PKP4: variants seen among roughly 807,000 people sequenced by gnomAD.
PKP4 encodes plakophilin 4, also known as plakophilin-4.
Under a neutral mutation model 145.1 loss-of-function variants are expected in PKP4, and 90 were observed. The observed-to-expected ratio is 0.62, with a 90% CI of 0.52 to 0.74. The LOEUF (loss-of-function observed/expected upper bound fraction) is 0.74, where lower values mean the gene tolerates loss of function less well. Among genes scored for constraint, PKP4 ranks in the 30% least tolerant of loss-of-function variants. The pLI is 0.00. For synonymous variants in PKP4, 563 were observed against 577.2 expected (o/e 0.98, Z 0.35); for missense variants, 1,340 against 1,482.7 (o/e 0.90, Z 1.58).
At chr2:158,600,811 T>G (rs1237141582) in intron 3 of PKP4, among the ~76,000 whole-genome samples, 4 of 152,216 alleles carry the variant, frequency 2.6e-5, no homozygotes, top group Non-Finnish European at 5.9e-5. Context: ...ATTTCATTAT[T>G]AGCTTGTTTT....
Position 158,642,555 on chromosome 2 carries a change from A to G in PKP4, c.1765A>G (p.Asn589Asp), listed in dbSNP as rs773241833. The change falls in exon 11 of 22, where the codon AAT becomes GAT. Residue 589 changes from asparagine to aspartate, a missense_variant. Coordinates refer to ENST00000389759, the MANE Select transcript of PKP4 (RefSeq NM_003628.6). ...LDHRVLEVQK[N>D]ACGALRNLVF... ...CCACAGAGTTTTGGAAGTTCAGAAGAATGCTTGTGGTGCCCTTCGAAACCT... is the reference window on the plus strand; with the variant it reads ...CCACAGAGTTTTGGAAGTTCAGAAGGATGCTTGTGGTGCCCTTCGAAACCT... The G allele has an allele frequency of 6.2e-7, 1 of 1,613,902 alleles. No individual in the cohort carries two copies. The highest frequency in any genetic ancestry group is 8.5e-7 in the Non-Finnish European group (1 of 1,179,820).
At chr2:158,678,683 G>A in intron 21 of PKP4, 29 bp downstream of exon 21, 1 of 1,367,612 alleles carries the variant, frequency 7.3e-7, no homozygotes, top group Non-Finnish European at 1.0e-6. Context: ...TTTTACAGAA[G>A]GCTGATTAGC....
chr2:158,509,200 T>C (rs1293822418), intron 1 of PKP4, among the ~76,000 whole-genome samples: 1 of 152,208 alleles, frequency 6.6e-6, no homozygotes, highest in Non-Finnish European at 1.5e-5. Flanking sequence ...TGATAGATTA[T>C]GAATTTGTAA....
At chr2:158,484,655 T>A (rs551011888) in intron 1 of PKP4, among the ~76,000 whole-genome samples, 44 of 152,340 alleles carry the variant, frequency 2.9e-4, no homozygotes, top group Middle Eastern at 3.4e-3. Flanking sequence ...TTTTCTGTGA[T>A]AAAGATGATG....
intron 2 of PKP4, among the ~76,000 whole-genome samples, chr2:158,537,718 C>G (rs1009097637): frequency 6.6e-6 from 1 of 152,138 alleles, no homozygotes; most frequent in Non-Finnish European, 1.5e-5. Flanking sequence ...AGCTTACTCT[C>G]TTAGTTGTAA....
rs1194427617 is a variant in PKP4, at chr2:158,678,631, A to G, written c.3307A>G (p.Arg1103Gly). ...IYISSYSSPA[R>G]EQNRRLQHQQ... is the part of the protein sequence containing the mutation. The stretch of plus-strand genomic sequence containing the variant: ...CATCAGTTCCTATTCCTCACCAGCA[A>G]GAGAACAAAATAGACGGCTACAGGT... The change falls in exon 21 of 22, where the codon AGA becomes GGA. Residue 1103 changes from arginine (R) to glycine (G), a missense_variant. Coordinates refer to ENST00000389759, the MANE Select transcript of PKP4 (RefSeq NM_003628.6). 2 of 1,606,356 alleles carry G rather than the reference A, an allele frequency of 1.2e-6. No homozygotes were observed. The highest frequency in any genetic ancestry group is 1.7e-5 in the Admixed American group (1 of 60,006).
chr2:158,577,195 A>C, intron 2 of PKP4, 76 bp from the exon 3 acceptor site: 1 of 843,330 alleles, frequency 1.2e-6, no homozygotes. Flanking sequence ...GTTTCCTGTG[A>C]CATACATTAA....
intron 11 of PKP4, among the ~76,000 whole-genome samples, chr2:158,647,784 CT>C (rs1317778496): frequency 6.6e-6 from 1 of 152,022 alleles, no homozygotes; most frequent in African/African-American, 2.4e-5. Flanking sequence ...GTATTTTTTG[CT>C]GTTGTTGTAC....
At chr2:158,482,884 T>G (rs995911157) in intron 1 of PKP4, among the ~76,000 whole-genome samples, 1 of 152,056 alleles carries the variant, frequency 6.6e-6, no homozygotes, top group South Asian at 2.1e-4. Flanking sequence ...TGCAGGTCAT[T>G]GCACAGAATG....
intron 2 of PKP4, among the ~76,000 whole-genome samples, chr2:158,536,978 C>T (rs2044103866): frequency 6.6e-6 from 1 of 152,160 alleles, no homozygotes; most frequent in African/African-American, 2.4e-5. Flanking sequence ...TGTTTTATAC[C>T]TGTGTTACAG....
intron 4 of PKP4, among the ~76,000 whole-genome samples, chr2:158,611,135 A>G (rs1246277891): frequency 6.6e-6 from 1 of 152,230 alleles, no homozygotes; most frequent in Non-Finnish European, 1.5e-5. Context: ...AATAGTAACA[A>G]TTCTGTGCAG....
intron 1 of PKP4, chr2:158,457,566 G>C (rs940284473): frequency 6.6e-6 from 1 of 152,568 alleles, no homozygotes; most frequent in Non-Finnish European, 1.5e-5. Context: ...TGAGCGCCGC[G>C]CTGAGCCCTG....
intron 2 of PKP4, among the ~76,000 whole-genome samples, chr2:158,574,694 G>C (rs1273839002): frequency 6.6e-6 from 1 of 152,126 alleles, no homozygotes; most frequent in Non-Finnish European, 1.5e-5. Context: ...GTGCTTTATA[G>C]CTTCTTGATA....
intron 5 of PKP4, 45 bp downstream of exon 5, chr2:158,621,166 T>G (rs1402674513): frequency 6.2e-7 from 1 of 1,613,076 alleles, no homozygotes; most frequent in Admixed American, 1.7e-5. Context: ...TTTTAAGATT[T>G]TATTCTTGAA....
chr2:158,534,852 T>A (rs1385790136), intron 2 of PKP4, among the ~76,000 whole-genome samples: 1 of 152,158 alleles, frequency 6.6e-6, no homozygotes, highest in African/African-American at 2.4e-5. Context: ...AATAAGTATT[T>A]TGTGGGAAGT....
intron 1 of PKP4, among the ~76,000 whole-genome samples, chr2:158,507,171 TTGCAGTGG>T (rs2041060754): frequency 6.6e-6 from 1 of 152,214 alleles, no homozygotes; most frequent in Non-Finnish European, 1.5e-5. Flanking sequence ...TCCATATATT[TTGCAGTGG>T]TGCAGATATA....
intron 1 of PKP4, among the ~76,000 whole-genome samples, chr2:158,509,229 C>A (rs956839920): frequency 2.6e-5 from 4 of 152,060 alleles, no homozygotes; most frequent in African/African-American, 9.7e-5. Flanking sequence ...ATTTTGTATA[C>A]TGAAATTATC....
chr2:158,652,285 C>T (rs1291777555), intron 11 of PKP4, among the ~76,000 whole-genome samples: 2 of 152,118 alleles, frequency 1.3e-5, no homozygotes, highest in African/African-American at 2.4e-5. Context: ...TGATGGCCAC[C>T]GTATGGGGCA....
intron 3 of PKP4, among the ~76,000 whole-genome samples, chr2:158,582,271 C>A (rs2048396696): frequency 6.6e-6 from 1 of 152,148 alleles, no homozygotes; most frequent in South Asian, 2.1e-4. Context: ...TATTTCACCT[C>A]ATTGAAAGGA....
Sources: gnomAD v4.1 joint callset for allele counts (sites outside exome capture counted in the v4.1 genomes callset) on GRCh38, gnomAD v4.1.1 for gene constraint, MANE v1.5 for transcripts, NCBI Gene and HGNC (gene_info 2026-07-23, HGNC 2026-07-21) for gene names.